VPS4A: variants seen among roughly 807,000 people sequenced by gnomAD.
The protein encoded by VPS4A is vacuolar protein sorting 4 homolog A, also known as vacuolar protein sorting-associated protein 4A.
Under a neutral mutation model 52.3 loss-of-function variants are expected in VPS4A, and 20 were observed. The observed-to-expected ratio is 0.38, with a 90% CI of 0.27 to 0.56. The LOEUF is 0.56. VPS4A is among the 20% of genes least tolerant of loss of function. The pLI is 0.72. For synonymous variants in VPS4A, 293 were observed against 227.7 expected (o/e 1.29, Z -2.58); for missense variants, 419 against 575.9 (o/e 0.73, Z 2.79).
At chr16:69,323,943 CCAAAAAAA>C (rs1228239617) in intron 10 of VPS4A, among the ~76,000 whole-genome samples, 10 of 108,654 alleles carry the variant, frequency 9.2e-5, no homozygotes, top group South Asian at 3.0e-4. Flanking sequence ...GACTCCGTCT[CCAAAAAAA>C]AAAAAAAAAA....
intron 1 of VPS4A, among the ~76,000 whole-genome samples, chr16:69,314,583 G>A (rs1420014702): frequency 6.6e-6 from 1 of 152,102 alleles, no homozygotes; most frequent in African/African-American, 2.4e-5. Flanking sequence ...GGTAGTAGAG[G>A]GAGCAGAGGC....
At chr16:69,319,085 A>G in intron 5 of VPS4A, 143 bp downstream of exon 5, 3 of 1,260,160 alleles carry the variant, frequency 2.4e-6, no homozygotes, top group South Asian at 1.4e-5. Flanking sequence ...GGTGTCCACA[A>G]CACTGCTGTG....
chr16:69,318,596 C>T lies in VPS4A; in HGVS notation c.282-54C>T. ...GCGGAGCCTGGACTTGCTGGGAGCACCTCTGTGCTCCAGGCTGAAGGGCCA... is the reference window on the plus strand; with the variant it reads ...GCGGAGCCTGGACTTGCTGGGAGCATCTCTGTGCTCCAGGCTGAAGGGCCA... On this transcript the variant is annotated intron_variant, in intron 3 of 10. Transcript: ENST00000254950. 3.2e-6 allele frequency: 5 copies of T among 1,565,970 alleles called. No homozygotes were observed. The South Asian group carries it at 4.6e-5, about 15-fold the overall frequency.
chr16:69,311,364 C>G lies in VPS4A; in HGVS notation c.-148C>G. ...GCTCCTCGCTTGCCCTCGGACTCGG[C>G]TCCCGCTGCGAGCGGCCGCCCTGCC... On this transcript the variant is annotated 5_prime_UTR_variant, in exon 1 of 11. Coordinates refer to ENST00000254950, the MANE Select transcript of VPS4A (RefSeq NM_013245.3). The G allele has an allele frequency of 1.1e-6, 1 of 882,544 alleles. No homozygotes were observed. The highest frequency in any genetic ancestry group is 1.5e-6 in the Non-Finnish European group (1 of 670,178). The allele number at this position is 882,544 out of a possible 1,614,324, so 54.7% of individuals were successfully genotyped here. A position where few individuals can be genotyped will look rare whatever the true frequency, so the allele number is the denominator to read the frequency against.
rs1156666174 is a variant in VPS4A, at chr16:69,325,362, CGCT to C, written c.*1054_*1056del. On this transcript the variant is annotated 3_prime_UTR_variant, in exon 11 of 11. Coordinates refer to ENST00000254950, the MANE Select transcript of VPS4A (RefSeq NM_013245.3). The stretch of plus-strand genomic sequence containing the variant: ...GCTGTGTTTGTTTGGTTTGGTCTGC[CGCT>C]AACATTTAAAAGTCGAGAGTTGCTG... 6 of 143,342 alleles carry C rather than the reference CGCT, an allele frequency of 4.2e-5. No individual in the cohort carries two copies. Among genetic ancestry groups the C allele is most frequent in the African/African-American group, 1.5e-4 (6 of 40,476 alleles). 8.9% of individuals were successfully genotyped at this position (143,342 alleles called of 1,614,324 possible).
intron 1 of VPS4A, among the ~76,000 whole-genome samples, chr16:69,312,944 G>A (rs1965394782): frequency 6.6e-6 from 1 of 151,266 alleles, no homozygotes; most frequent in African/African-American, 2.4e-5. Flanking sequence ...TAACTTGCGT[G>A]CTTACCATAT....
intron 6 of VPS4A, 93 bp downstream of exon 6, chr16:69,319,636 GT>G: frequency 6.7e-7 from 1 of 1,489,464 alleles, no homozygotes; most frequent in Non-Finnish European, 9.0e-7. Flanking sequence ...CAGAGGAGTG[GT>G]TTGGTTTTCA....
intron 1 of VPS4A, 44 bp from the exon 2 acceptor site, chr16:69,315,964 C>T (rs377352015): frequency 2.5e-6 from 4 of 1,569,252 alleles, no homozygotes; most frequent in African/African-American, 1.4e-5. Context: ...AGGGACTTTC[C>T]ACCTCTCCGA....
At position 69,319,243 on chromosome 16, in the gene VPS4A, G is replaced by C. The variant is rs1011908369; in HGVS notation, c.464-144G>C. The C allele has an allele frequency of 4.9e-6, 6 of 1,231,782 alleles. No individual in the cohort carries two copies. The South Asian group carries it at 7.3e-5, about 15-fold the overall frequency. 76.3% of individuals were successfully genotyped at this position (1,231,782 alleles called of 1,614,324 possible). ...CATAGCACAGGGCACAGCAGGGAAT[G>C]TAGCTCCCATCACTTGTTTGCCAGT... On this transcript the variant is annotated intron_variant, in intron 5 of 10. Transcript: ENST00000254950.
chr16:69,312,349 G>A (rs889607426), intron 1 of VPS4A, among the ~76,000 whole-genome samples: 2 of 152,178 alleles, frequency 1.3e-5, no homozygotes, highest in Non-Finnish European at 2.9e-5. Context: ...CAAAGTGCCT[G>A]GGAGAGTTAG....
intron 10 of VPS4A, 56 bp from the exon 11 acceptor site, chr16:69,324,152 G>A (rs1033219081): frequency 2.4e-5 from 37 of 1,560,630 alleles, no homozygotes; most frequent in Non-Finnish European, 1.3e-5. Flanking sequence ...GTGCTGAGGG[G>A]AGGTTGGGGA....
intron 1 of VPS4A, among the ~76,000 whole-genome samples, chr16:69,314,510 C>G (rs549590701): frequency 2.0e-5 from 3 of 152,208 alleles, no homozygotes; most frequent in Non-Finnish European, 4.4e-5. Flanking sequence ...AGAGGGCAGA[C>G]AAGGGCAGCC....
intron 5 of VPS4A, 138 bp from the exon 6 acceptor site, chr16:69,319,249 C>T: frequency 7.8e-7 from 1 of 1,274,594 alleles, no homozygotes; most frequent in Non-Finnish European, 1.1e-6. Context: ...GAATGTAGCT[C>T]CCATCACTTG....
In VPS4A at chr16:69,326,425, T is replaced by C. The variant is rs777614599; in HGVS notation, c.*2116T>C. On this transcript the variant is annotated 3_prime_UTR_variant, in exon 11 of 11. Coordinates refer to ENST00000254950, the MANE Select transcript of VPS4A (RefSeq NM_013245.3). ...GAACCGTGTCTGCAGAGCTTCACTT[T>C]AGTGAGCTTACAAGTTTTTAAATTT... 6.6e-6 allele frequency: 1 copy of C among 152,358 alleles called. No homozygotes were observed. Among genetic ancestry groups the C allele is most frequent in the East Asian group, 1.9e-4 (1 of 5,190 alleles). 9.4% of individuals were successfully genotyped at this position (152,358 alleles called of 1,614,324 possible).
Position 69,311,435 on chromosome 16 carries a change from C to T in VPS4A, c.-77C>T. ...CACCGCCGGGCTTCCCGCGCCGGAC[C>T]CAGTACCTCGGCTCCCCGGGGCCGG... On this transcript the variant is annotated 5_prime_UTR_variant, in exon 1 of 11. Coordinates refer to ENST00000254950, the MANE Select transcript of VPS4A (RefSeq NM_013245.3). 1 of 1,228,938 alleles carries T rather than the reference C, an allele frequency of 8.1e-7. No homozygotes were observed. Among genetic ancestry groups the T allele is most frequent in the Non-Finnish European group, 1.0e-6 (1 of 975,254 alleles). The allele number at this position is 1,228,938 out of a possible 1,614,324, so 76.1% of individuals were successfully genotyped here.
In VPS4A at chr16:69,316,091, G is replaced by A. The variant is rs80035728; in HGVS notation, c.105G>A (p.Ala35=). 6,974 of 1,613,396 alleles carry A rather than the reference G, an allele frequency of 4.3e-3. 239 individuals carry two copies. The African/African-American group carries it at 0.078, about 18-fold the overall frequency. Residue 35 remains alanine (A), a synonymous_variant, in exon 2 of 11, where the codon GCG becomes GCA. Coordinates refer to ENST00000254950, the MANE Select transcript of VPS4A (RefSeq NM_013245.3). ...YEEALRLYQH[A]VEYFLHAIKY... ...AGGCGCTGCGGCTGTACCAGCATGC[G>A]GTGGAGTACTTCCTCCACGCTATCA... is the stretch of plus-strand genomic sequence containing the variant.
intron 3 of VPS4A, 146 bp downstream of exon 3, chr16:69,316,518 A>G (rs920378317): frequency 3.4e-5 from 38 of 1,124,052 alleles, no homozygotes; most frequent in Non-Finnish European, 4.7e-5. Flanking sequence ...TTCAGGGAGC[A>G]TGGCCTGGAG....
intron 3 of VPS4A, among the ~76,000 whole-genome samples, chr16:69,317,490 C>T (rs1430152164): frequency 6.6e-6 from 1 of 151,988 alleles, no homozygotes; most frequent in Non-Finnish European, 1.5e-5. Flanking sequence ...AATCCCGTCT[C>T]TATTAAAAAT....
rs909783917 is a variant in VPS4A, at chr16:69,322,449, G to A, written c.1072-111G>A. On this transcript the variant is annotated intron_variant, in intron 9 of 10. Transcript: ENST00000254950. Reference sequence around the variant, plus strand: ...GTTCTGAAGGAGCCCGTCCTCCTCAGATGCTAGGGACCCACAGAGCATTCT... The same window carrying A: ...GTTCTGAAGGAGCCCGTCCTCCTCAAATGCTAGGGACCCACAGAGCATTCT... The A allele has an allele frequency of 4.0e-6, 5 of 1,255,642 alleles. No individual in the cohort carries two copies. In the Admixed American group the frequency reaches 1.2e-4, roughly 30 times the overall value. 77.8% of individuals were successfully genotyped at this position (1,255,642 alleles called of 1,614,324 possible).
Sources: gnomAD v4.1 joint callset for allele counts (sites outside exome capture counted in the v4.1 genomes callset) on GRCh38, gnomAD v4.1.1 for gene constraint, MANE v1.5 for transcripts, NCBI Gene and HGNC (gene_info 2026-07-23, HGNC 2026-07-21) for gene names.